The following EMB variants were observed in gnomAD, a reference collection of about 807,000 sequenced individuals.
The protein encoded by EMB is embigin.
In EMB, 31 loss-of-function variants were observed where a neutral mutation model predicts 41.4. The observed-to-expected ratio is 0.75, with a 90% confidence interval of 0.56 to 1.01. The LOEUF is 1.01. Ranked by LOEUF, EMB falls within the 50% of genes least tolerant of loss-of-function variation. The pLI, the probability that EMB is intolerant of heterozygous loss-of-function variation, is 0.00. For missense variants in EMB, 379 were observed against 388.3 expected, an observed-to-expected ratio of 0.98 and a Z score of 0.20; for synonymous variants, 137 against 140.4, an observed-to-expected ratio of 0.98 and a Z score of 0.17.
chr5:50,421,334 A>G (rs1579734245), intron 2 of EMB, among the ~76,000 whole-genome samples: 1 of 152,304 alleles, frequency 6.6e-6, no homozygotes, highest in East Asian at 1.9e-4. Flanking sequence ...GCAAATCAAA[A>G]CCACAATGAG....
chr5:50,418,599 A>G (rs1360491225), intron 2 of EMB, among the ~76,000 whole-genome samples: 1 of 152,220 alleles, frequency 6.6e-6, no homozygotes, highest in African/African-American at 2.4e-5. Context: ...ACACTTATTT[A>G]CCGAACACCT....
intron 7 of EMB, among the ~76,000 whole-genome samples, chr5:50,400,154 C>G (rs1172208321): frequency 6.6e-6 from 1 of 152,014 alleles, no homozygotes; most frequent in East Asian, 1.9e-4. Flanking sequence ...AGAATTGCTT[C>G]TCCCCAAGCA....
rs370006445 is a variant in EMB, at chr5:50,398,246, T to C, written c.*1027A>G. ...ATAAGATTTGATTACAGTGAGTTTA[T>C]AAAATATTTCAGTTATATATGCAAT... On this transcript the variant is annotated 3_prime_UTR_variant, in exon 9 of 9. Coordinates refer to ENST00000303221, the MANE Select transcript of EMB (RefSeq NM_198449.3). 1 of 151,872 alleles carries C rather than the reference T, an allele frequency of 6.6e-6. No individual in the cohort carries two copies. 9.4% of individuals were successfully genotyped at this position (151,872 alleles called of 1,614,324 possible).
chr5:50,405,893 T>G, intron 4 of EMB, 41 bp from the exon 5 acceptor site: 1 of 1,538,190 alleles, frequency 6.5e-7, no homozygotes, highest in Non-Finnish European at 8.7e-7. Flanking sequence ...TGAAAGAGTT[T>G]AGGTAAAGGA....
intron 5 of EMB, 33 bp from the exon 6 acceptor site, chr5:50,403,487 T>C (rs1745201001): frequency 1.9e-6 from 3 of 1,599,448 alleles, no homozygotes; most frequent in African/African-American, 2.7e-5. Context: ...TCCATTCCTA[T>C]CATAGCACAT....
intron 1 of EMB, among the ~76,000 whole-genome samples, chr5:50,435,735 A>G (rs1270002378): frequency 6.6e-6 from 1 of 152,134 alleles, no homozygotes; most frequent in Non-Finnish European, 1.5e-5. Context: ...GTTACTTTGA[A>G]TCTTTAGTAC....
chr5:50,430,003 T>C (rs62365899), intron 1 of EMB, among the ~76,000 whole-genome samples: 1 of 143,402 alleles, frequency 7.0e-6, no homozygotes, highest in African/African-American at 2.7e-5. Flanking sequence ...TCTCTCTCTC[T>C]CTCACACACA....
Position 50,441,131 on chromosome 5 carries a change from C to A in EMB, c.21G>T (p.Leu7=), listed in dbSNP as rs1737570219. The change falls in exon 1 of 9, where the codon CTG becomes CTT. Residue 7 remains leucine, a synonymous_variant. Coordinates refer to ENST00000303221, the MANE Select transcript of EMB (RefSeq NM_198449.3). Reference sequence around the variant, plus strand: ...GGGGCGTACGCGCCCTGGCCTCCAGCAGGCCGGGGAGGGCGCGCATGGCGC... The same window carrying A: ...GGGGCGTACGCGCCCTGGCCTCCAGAAGGCCGGGGAGGGCGCGCATGGCGC... The part of the protein sequence containing the change: MRALPG[L]LEARARTPRL... 1.3e-6 allele frequency: 2 copies of A among 1,507,112 alleles called. No homozygotes were observed. The highest frequency in any genetic ancestry group is 2.5e-5 in the South Asian group (2 of 80,576). 93.4% of individuals were successfully genotyped at this position (1,507,112 alleles called of 1,614,324 possible).
chr5:50,420,644 C>T (rs988693648), intron 2 of EMB, among the ~76,000 whole-genome samples: 3 of 152,206 alleles, frequency 2.0e-5, no homozygotes, highest in African/African-American at 7.2e-5. Context: ...GCCTTTCCCA[C>T]TGAAACATAC....
In EMB at chr5:50,428,427, C is replaced by A. The variant is rs1026269296; in HGVS notation, c.113-200G>T. Reference sequence around the variant, plus strand: ...TGTGAAAAAAATTCTGATTTTTTTTCTTTTTTAACCTAAAAATCCCTACTG... The same window carrying A: ...TGTGAAAAAAATTCTGATTTTTTTTATTTTTTAACCTAAAAATCCCTACTG... On this transcript the variant is annotated intron_variant, in intron 1 of 8. Coordinates refer to ENST00000303221, the MANE Select transcript of EMB (RefSeq NM_198449.3). The A allele has an allele frequency of 3.8e-5, 46 of 1,198,724 alleles. No individual in the cohort carries two copies. The African/African-American group carries it at 7.1e-4, about 18-fold the overall frequency. The allele number at this position is 1,198,724 out of a possible 1,614,324, so 74.3% of individuals were successfully genotyped here.
chr5:50,422,798 T>G (rs1745545797), intron 2 of EMB, among the ~76,000 whole-genome samples: 1 of 152,192 alleles, frequency 6.6e-6, no homozygotes, highest in African/African-American at 2.4e-5. Flanking sequence ...CTACCTCATT[T>G]AAATTAATTC....
chr5:50,431,080 A>G (rs1745713070), intron 1 of EMB, among the ~76,000 whole-genome samples: 1 of 152,154 alleles, frequency 6.6e-6, no homozygotes, highest in Non-Finnish European at 1.5e-5. Context: ...ACATCCATAA[A>G]CCAAACACCA....
At chr5:50,400,583 T>C (rs561491740) in intron 7 of EMB, among the ~76,000 whole-genome samples, 59 of 152,092 alleles carry the variant, frequency 3.9e-4, no homozygotes, top group African/African-American at 1.4e-3. Flanking sequence ...TAATGGCCAC[T>C]AAGAAAACAC....
intron 1 of EMB, among the ~76,000 whole-genome samples, chr5:50,437,356 G>A (rs1745821138): frequency 6.6e-6 from 1 of 152,106 alleles, no homozygotes; most frequent in Non-Finnish European, 1.5e-5. Context: ...TTTGGTCTTT[G>A]ATCATTTGAT....
At chr5:50,403,808 T>A (rs1436397059) in intron 5 of EMB, among the ~76,000 whole-genome samples, 1 of 151,956 alleles carries the variant, frequency 6.6e-6, no homozygotes, top group African/African-American at 2.4e-5. Context: ...TTTAAAGTAC[T>A]TTTTCCTTCA....
intron 5 of EMB, among the ~76,000 whole-genome samples, chr5:50,404,735 G>C (rs557435680): frequency 7.9e-5 from 12 of 151,774 alleles, no homozygotes; most frequent in Admixed American, 1.3e-4. Flanking sequence ...CACAATGACT[G>C]CCTTTCCTCA....
intron 2 of EMB, among the ~76,000 whole-genome samples, chr5:50,422,993 G>C (rs1745550562): frequency 2.0e-5 from 3 of 151,596 alleles, no homozygotes; most frequent in African/African-American, 7.3e-5. Context: ...ATATATGTAG[G>C]GTATCCCTTG....
intron 7 of EMB, among the ~76,000 whole-genome samples, chr5:50,401,052 C>G (rs185164539): frequency 2.0e-5 from 3 of 151,890 alleles, no homozygotes; most frequent in Admixed American, 6.6e-5. Context: ...AACGCCAATA[C>G]GTGGAAATAG....
rs554905296 is a variant in EMB at position 50,403,234 on chromosome 5, A to G, written c.821T>C (p.Leu274Ser). 1.9e-6 allele frequency: 3 copies of G among 1,612,482 alleles called. No individual in the cohort carries two copies. The highest frequency in any genetic ancestry group is 2.2e-5 in the East Asian group (1 of 44,828). ...TTCACAAAGCAGAATGGTGGCCACTAAAAGAATCACCTCAGCCACTATTAC... is the reference window on the plus strand; with the variant it reads ...TTCACAAAGCAGAATGGTGGCCACTGAAAGAATCACCTCAGCCACTATTAC... ...FLVIVAEVIL[L>S]VATILLCEKY... The change falls in exon 6 of 9, where the codon TTA (leucine) becomes TCA (serine). Residue 274 changes from leucine to serine, a missense_variant. Coordinates refer to ENST00000303221, the MANE Select transcript of EMB (RefSeq NM_198449.3).
Sources: allele counts gnomAD v4.1 joint callset (sites outside exome capture counted in the v4.1 genomes callset), GRCh38; gene constraint gnomAD v4.1.1; transcripts MANE v1.5; gene names NCBI Gene and HGNC (gene_info 2026-07-23, HGNC 2026-07-21).